ADIPOR1: variants seen among roughly 807,000 people sequenced by gnomAD.
The protein encoded by ADIPOR1 is adiponectin receptor 1.
A neutral mutation model predicts 37.5 loss-of-function variants in ADIPOR1; 15 were observed. The observed-to-expected ratio is 0.40, with a 90% CI of 0.27 to 0.62. The LOEUF (loss-of-function observed/expected upper bound fraction) is 0.62. Ranked by LOEUF, ADIPOR1 falls within the 20% of genes least tolerant of loss-of-function variation. ADIPOR1 has a pLI of 0.42. For synonymous variants in ADIPOR1, 173 were observed against 173.2 expected, an observed-to-expected ratio of 1.00 and a Z score of 0.01; for missense variants, 286 against 478.0, an observed-to-expected ratio of 0.60 and a Z score of 3.75.
chr1:202,944,207 T>C (rs1447449884), intron 5 of ADIPOR1: 4 of 343,070 alleles, frequency 1.2e-5, no homozygotes, highest in African/African-American at 4.1e-5. Context: ...CAGCCGTATC[T>C]CCCATAGTAG....
rs949066624 is a variant in ADIPOR1, at chr1:202,946,354, G to A, written c.430+85C>T. ...AAAGGTAGAATCCCAGCTGCCAATC[G>A]ATCTGAACAACTTTGTTGGGCTCTA... is the stretch of plus-strand genomic sequence containing the variant. On this transcript the variant is annotated intron_variant, in intron 4 of 7. Coordinates refer to ENST00000340990, the MANE Select transcript of ADIPOR1 (RefSeq NM_015999.6). 44 of 1,525,064 alleles carry A rather than the reference G, an allele frequency of 2.9e-5. No individual in the cohort carries two copies. In the Admixed American group the frequency reaches 6.6e-4, roughly 23 times the overall value. 94.5% of individuals were successfully genotyped at this position (1,525,064 alleles called of 1,614,324 possible). A position where few individuals can be genotyped will look rare whatever the true frequency, so the allele number is the denominator to read the frequency against.
intron 1 of ADIPOR1, among the ~76,000 whole-genome samples, chr1:202,955,246 G>C (rs1434383038): frequency 7.0e-6 from 1 of 142,806 alleles, no homozygotes; most frequent in Admixed American, 6.8e-5. Context: ...TTTTTTAAAA[G>C]GGTCTTGCTC....
At chr1:202,947,522 A>AAAAT (rs1553243095) in intron 3 of ADIPOR1, among the ~76,000 whole-genome samples, 5 of 150,670 alleles carry the variant, frequency 3.3e-5, no homozygotes, top group African/African-American at 4.9e-5. Flanking sequence ...GTCTCAAAAA[A>AAAAT]ATATATATAT....
At chr1:202,957,390 C>T (rs1654824538) in intron 1 of ADIPOR1, among the ~76,000 whole-genome samples, 2 of 152,046 alleles carry the variant, frequency 1.3e-5, no homozygotes, top group Admixed American at 6.6e-5. Flanking sequence ...CCTAGCGCTC[C>T]TTTGACATCT....
In ADIPOR1 at chr1:202,944,985, G is replaced by A. The variant is rs1654248052; in HGVS notation, c.615C>T (p.Ser205=). ...CHSEKVSRTF[S]KLDYSGIALL... ...CCTATGGTGTTCTTTTAACTCACTT[G>A]GAAAAAGTCCGAGAGACTTTCTCTG... The change falls in exon 5 of 8, where the codon TCC becomes TCT. Residue 205 remains serine (S), a splice_region_variant and synonymous_variant. Transcript: ENST00000340990. 3.7e-6 allele frequency: 6 copies of A among 1,609,154 alleles called. No individual in the cohort carries two copies. Among genetic ancestry groups the A allele is most frequent in the Non-Finnish European group, 5.1e-6 (6 of 1,178,334 alleles).
chr1:202,947,941 TC>T (rs1654400259), intron 3 of ADIPOR1, among the ~76,000 whole-genome samples: 1 of 152,222 alleles, frequency 6.6e-6, no homozygotes, highest in South Asian at 2.1e-4. Context: ...CTGTTTCTAT[TC>T]ATCATTACTT....
intron 7 of ADIPOR1, 112 bp from the exon 8 acceptor site, chr1:202,941,813 A>G (rs908002987): frequency 7.2e-7 from 1 of 1,382,562 alleles, no homozygotes. Context: ...AAATTTGTTA[A>G]TAACATTAAA....
At chr1:202,950,273 C>G (rs1289435112) in intron 2 of ADIPOR1, among the ~76,000 whole-genome samples, 1 of 151,640 alleles carries the variant, frequency 6.6e-6, no homozygotes, top group African/African-American at 2.4e-5. Context: ...CTGATAGTCC[C>G]TTTAAAAGGC....
In ADIPOR1 at chr1:202,956,578, A is replaced by G. The variant is rs553603243; in HGVS notation, c.-95+1607T>C. Among the ~76,000 whole-genome samples the G allele has an allele frequency of 1.4e-4, 21 of 152,352 alleles. No homozygotes were observed. The East Asian group carries it at 3.7e-3, about 27-fold the overall frequency. On this transcript the variant is annotated intron_variant, in intron 1 of 7. Transcript: ENST00000340990. ...TGCCATTATGTGCAGGAGGAATTCA[A>G]AAGAAAAGTGCAACTTTAGTTGAAG...
In ADIPOR1 at chr1:202,948,354, G is replaced by C; in HGVS notation, c.208C>G (p.Pro70Ala). 1.2e-6 allele frequency: 2 copies of C among 1,613,992 alleles called. No individual in the cohort carries two copies. Among genetic ancestry groups the C allele is most frequent in the South Asian group, 1.1e-5 (1 of 91,072 alleles). The part of the protein sequence containing the change: ...EEEEVRVLTL[P>A]LQAHHAMEKM... ...TCCATGGCGTGGTGGGCTTGCAGGG[G>C]AAGTGTCAGTACCCGCACCTCCTCC... The change falls in exon 3 of 8, where the codon CCC becomes GCC. Residue 70 changes from proline (P) to alanine (A), a missense_variant. Coordinates refer to ENST00000340990, the MANE Select transcript of ADIPOR1 (RefSeq NM_015999.6).
chr1:202,942,334 G>T, intron 6 of ADIPOR1, 116 bp from the exon 7 acceptor site: 1 of 985,000 alleles, frequency 1.0e-6, no homozygotes, highest in Non-Finnish European at 1.4e-6. Context: ...TGGATGAATA[G>T]TACATGTTTA....
chr1:202,943,410 G>A (rs1385424692), intron 6 of ADIPOR1, among the ~76,000 whole-genome samples: 1 of 152,170 alleles, frequency 6.6e-6, no homozygotes, highest in East Asian at 1.9e-4. Flanking sequence ...GCCTCTGAGT[G>A]TTTTAATTTT....
rs1372979226 is a variant in ADIPOR1 at position 202,942,037 on chromosome 1, T to C, written c.987A>G (p.Lys329=). 3.1e-6 allele frequency: 5 copies of C among 1,611,650 alleles called. No homozygotes were observed. The highest frequency in any genetic ancestry group is 4.2e-6 in the Non-Finnish European group (5 of 1,178,652). The part of the protein sequence containing the change: ...ARIPERFFPG[K]FDIWFQSHQI... ...ATTCATTTCTTACCCATATGTCAAA[T>C]TTTCCAGGAAAGAAGCGCTCAGGAA... Residue 329 remains lysine, a synonymous_variant, in exon 7 of 8, where the codon AAA becomes AAG. Transcript: ENST00000340990.
At chr1:202,943,129 A>G (rs1424307563) in intron 6 of ADIPOR1, among the ~76,000 whole-genome samples, 3 of 152,218 alleles carry the variant, frequency 2.0e-5, no homozygotes, top group South Asian at 2.1e-4. Flanking sequence ...CGGCCCCCCA[A>G]AGTGCTGGGA....
In ADIPOR1 at chr1:202,957,170, G is replaced by A. The variant is rs910764454; in HGVS notation, c.-95+1015C>T. Among the ~76,000 whole-genome samples, 15 of 152,236 alleles carry A rather than the reference G, an allele frequency of 9.9e-5. No individual in the cohort carries two copies. In the East Asian group the frequency reaches 1.2e-3, roughly 12 times the overall value. ...CAGATAGTATACAACCTCAGGAACC[G>A]AAGTTGCACCATCGTAGCCTACCCA... On this transcript the variant is annotated intron_variant, in intron 1 of 7. Transcript: ENST00000340990.
At chr1:202,947,631 A>C (rs1458623122) in intron 3 of ADIPOR1, among the ~76,000 whole-genome samples, 1 of 152,150 alleles carries the variant, frequency 6.6e-6, no homozygotes, top group African/African-American at 2.4e-5. Flanking sequence ...AAACGTACAG[A>C]TCCCTCCTTT....
intron 2 of ADIPOR1, among the ~76,000 whole-genome samples, chr1:202,949,621 GT>G: frequency 6.7e-6 from 1 of 148,422 alleles, no homozygotes; most frequent in African/African-American, 2.5e-5. Context: ...GCACTTGCCT[GT>G]GAAAGGGAGA....
chr1:202,952,774 C>T (rs1215796091), intron 1 of ADIPOR1, among the ~76,000 whole-genome samples: 1 of 152,166 alleles, frequency 6.6e-6, no homozygotes, highest in Non-Finnish European at 1.5e-5. Context: ...TGAGCCAATT[C>T]CCCGAATAAA....
Position 202,950,857 on chromosome 1 carries a change from T to TA in ADIPOR1, c.141+72dup, listed in dbSNP as rs1185166978. ...TTCCTCCTTTTGGACGGTGAGCTCTTAAAAAAGAGAAAATGACAGAGTTCT... is the reference window on the plus strand; with the variant it reads ...TTCCTCCTTTTGGACGGTGAGCTCTTAAAAAAAGAGAAAATGACAGAGTTCT... On this transcript the variant is annotated intron_variant, in intron 2 of 7. Coordinates refer to ENST00000340990, the MANE Select transcript of ADIPOR1 (RefSeq NM_015999.6). 3.1e-6 allele frequency: 5 copies of TA among 1,588,484 alleles called. No homozygotes were observed. The East Asian group carries it at 6.7e-5, about 21-fold the overall frequency.
Sources: gnomAD v4.1 joint callset for allele counts (sites outside exome capture counted in the v4.1 genomes callset) on GRCh38, gnomAD v4.1.1 for gene constraint, MANE v1.5 for transcripts, NCBI Gene and HGNC (gene_info 2026-07-23, HGNC 2026-07-21) for gene names.